TMCC3: variants seen among roughly 807,000 people sequenced by gnomAD.
TMCC3 encodes the protein transmembrane and coiled-coil domain protein 3.
In TMCC3, 28 loss-of-function variants were observed where a neutral mutation model predicts 40.2. The observed-to-expected ratio is 0.70, with a 90% CI of 0.52 to 0.95. TMCC3 has a LOEUF of 0.95. Ranked by LOEUF, TMCC3 falls within the 40% of genes least tolerant of loss-of-function variation. The pLI, the probability that TMCC3 is intolerant of heterozygous loss-of-function variation, is 0.00. For missense variants in TMCC3, 554 were observed against 615.2 expected (o/e 0.90, Z 1.05); for synonymous variants, 255 against 248.5 (o/e 1.03, Z -0.25).
At chr12:94,599,399 C>T (rs964737317) in intron 1 of TMCC3, among the ~76,000 whole-genome samples, 7 of 152,096 alleles carry the variant, frequency 4.6e-5, no homozygotes, top group Admixed American at 2.6e-4. Context: ...CCCACATGCA[C>T]GGAGTATTTG....
At chr12:94,623,776 C>G (rs996677843) in intron 1 of TMCC3, among the ~76,000 whole-genome samples, 1 of 152,236 alleles carries the variant, frequency 6.6e-6, no homozygotes, top group Non-Finnish European at 1.5e-5. Context: ...GGCCCAGAGC[C>G]TTCCAACCCT....
chr12:94,584,331 G>A (rs1294950471), intron 1 of TMCC3, among the ~76,000 whole-genome samples: 14 of 152,046 alleles, frequency 9.2e-5, no homozygotes, highest in African/African-American at 2.7e-4. Context: ...GCCTGCTCCC[G>A]CTCTGCCTTC....
At chr12:94,574,410 T>C (rs1380121302) in intron 3 of TMCC3, among the ~76,000 whole-genome samples, 1 of 147,618 alleles carries the variant, frequency 6.8e-6, no homozygotes, top group East Asian at 2.0e-4. Flanking sequence ...AAAAACAGAA[T>C]GTGAGGCTTG....
At chr12:94,598,627 T>TA (rs1199733984) in intron 1 of TMCC3, 25 of 985,298 alleles carry the variant, frequency 2.5e-5, no homozygotes, top group Non-Finnish European at 2.7e-5. Context: ...AGCTTATACA[T>TA]AAACTCCCTC....
intron 1 of TMCC3, among the ~76,000 whole-genome samples, chr12:94,648,290 C>T (rs1321603205): frequency 6.6e-6 from 1 of 152,080 alleles, no homozygotes; most frequent in Non-Finnish European, 1.5e-5. Flanking sequence ...CAGGCTGACG[C>T]GATCTCGGTT....
At chr12:94,598,519 A>C in intron 1 of TMCC3, 3 of 942,492 alleles carry the variant, frequency 3.2e-6, no homozygotes, top group African/African-American at 1.8e-5. Context: ...TGGCATTCAT[A>C]AGTAGGAGAA....
chr12:94,583,452 C>T (rs906102689), intron 1 of TMCC3, among the ~76,000 whole-genome samples: 9 of 151,320 alleles, frequency 5.9e-5, no homozygotes, highest in African/African-American at 9.7e-5. Flanking sequence ...TGCAGTGAGC[C>T]GAGATCACAC....
intron 1 of TMCC3, among the ~76,000 whole-genome samples, chr12:94,604,919 TC>T (rs1156682184): frequency 2.0e-5 from 3 of 151,512 alleles, no homozygotes; most frequent in Admixed American, 2.0e-4. Context: ...TAGAGGCAGC[TC>T]AAAAATCTGC....
At chr12:94,614,841 C>T (rs534186615) in intron 1 of TMCC3, among the ~76,000 whole-genome samples, 1 of 151,316 alleles carries the variant, frequency 6.6e-6, no homozygotes, top group Non-Finnish European at 1.5e-5. Flanking sequence ...TCTCAGCTCA[C>T]TGCAACCTCC....
chr12:94,606,873 C>A (rs866517620), intron 1 of TMCC3, among the ~76,000 whole-genome samples: 22 of 152,156 alleles, frequency 1.4e-4, no homozygotes, highest in Admixed American at 4.6e-4. Flanking sequence ...CTGCTGTGCA[C>A]GTACTGTCTT....
intron 1 of TMCC3, among the ~76,000 whole-genome samples, chr12:94,629,852 GGTT>G (rs1419119627): frequency 9.2e-5 from 14 of 152,256 alleles, no homozygotes; most frequent in Non-Finnish European, 1.6e-4. Flanking sequence ...TTTCGAATAA[GGTT>G]CAAATGGAGA....
chr12:94,599,570 C>CAAACACA (rs1555283534), intron 1 of TMCC3, among the ~76,000 whole-genome samples: 37 of 146,368 alleles, frequency 2.5e-4, no homozygotes, highest in African/African-American at 7.5e-4. Context: ...CCCCCCCCGC[C>CAAACACA]CACACACACA....
At chr12:94,632,340 T>A (rs1347259327) in intron 1 of TMCC3, among the ~76,000 whole-genome samples, 1 of 152,218 alleles carries the variant, frequency 6.6e-6, no homozygotes, top group Non-Finnish European at 1.5e-5. Flanking sequence ...TTATTAGGCA[T>A]TAACAAGAAT....
intron 1 of TMCC3, among the ~76,000 whole-genome samples, chr12:94,594,817 G>C (rs574888520): frequency 8.5e-5 from 13 of 152,290 alleles, no homozygotes; most frequent in Admixed American, 7.8e-4. Flanking sequence ...AAAACACACA[G>C]GGTGGGCCTT....
At chr12:94,644,783 A>T (rs1286925925) in intron 1 of TMCC3, among the ~76,000 whole-genome samples, 7 of 152,182 alleles carry the variant, frequency 4.6e-5, no homozygotes, top group Admixed American at 3.9e-4. Context: ...CTGCCCAGGG[A>T]GTAAGCATGT....
intron 1 of TMCC3, among the ~76,000 whole-genome samples, chr12:94,596,174 T>A (rs570663155): frequency 6.6e-6 from 1 of 152,324 alleles, no homozygotes; most frequent in South Asian, 2.1e-4. Context: ...TTTGAGTACA[T>A]CTATGTATAG....
chr12:94,612,035 A>G (rs1053751483), intron 1 of TMCC3, among the ~76,000 whole-genome samples: 4 of 152,180 alleles, frequency 2.6e-5, no homozygotes, highest in African/African-American at 9.7e-5. Flanking sequence ...GTCTTGCTCT[A>G]TCAACCAGAC....
intron 1 of TMCC3, among the ~76,000 whole-genome samples, chr12:94,605,131 C>T (rs58514908): frequency 3.5e-4 from 53 of 152,080 alleles, no homozygotes; most frequent in Admixed American, 9.2e-4. Context: ...AGAAGAACAC[C>T]GACAACCTGC....
chr12:94,620,295 A>T (rs554993510), intron 1 of TMCC3, among the ~76,000 whole-genome samples: 42 of 147,336 alleles, frequency 2.9e-4, no homozygotes, highest in South Asian at 8.6e-4. Flanking sequence ...AATAATTATT[A>T]TTTTTTTTTT....
Sources: gnomAD v4.1 joint callset for allele counts (sites outside exome capture counted in the v4.1 genomes callset) on GRCh38, gnomAD v4.1.1 for gene constraint, MANE v1.5 for transcripts, NCBI Gene and HGNC (gene_info 2026-07-23, HGNC 2026-07-21) for gene names.